NEBL: variants seen among roughly 807,000 people sequenced by gnomAD.
NEBL encodes nebulette, also known as LIM and SH3 protein 2.
Under a neutral mutation model 140.2 loss-of-function variants are expected in NEBL, and 122 were observed. That is an observed-to-expected ratio of 0.87 (90% CI 0.75 to 1.01). The LOEUF (loss-of-function observed/expected upper bound fraction) is 1.01. Ranked by LOEUF, NEBL falls within the 50% of genes least tolerant of loss-of-function variation. The pLI is 0.00. For missense variants in NEBL, 1,365 were observed against 1,231.3 expected (o/e 1.11, Z -1.62); for synonymous variants, 436 against 398.9 (o/e 1.09, Z -1.11).
chr10:21,101,361 T>C (rs549095818), intron 2 of NEBL, among the ~76,000 whole-genome samples: 1 of 152,284 alleles, frequency 6.6e-6, no homozygotes, highest in East Asian at 1.9e-4. Context: ...TGTGGTCAAG[T>C]AACAGCTCTG....
chr10:20,980,262 T>A (rs1212513620), intron 3 of NEBL, among the ~76,000 whole-genome samples: 1 of 151,966 alleles, frequency 6.6e-6, no homozygotes, highest in East Asian at 1.9e-4. Flanking sequence ...CATACTTTTG[T>A]CCAGCTCTGG....
chr10:21,071,102 C>T (rs767487775), intron 2 of NEBL, among the ~76,000 whole-genome samples: 12 of 151,738 alleles, frequency 7.9e-5, no homozygotes, highest in Non-Finnish European at 1.3e-4. Context: ...AGCCCAGGAG[C>T]TTGAGGCTAA....
chr10:21,187,112 T>C (rs1256174317), intron 3 of NEBL, among the ~76,000 whole-genome samples: 1 of 151,920 alleles, frequency 6.6e-6, no homozygotes. Flanking sequence ...TGCAAGTACG[T>C]ACCTATGTAT....
intron 12 of NEBL, chr10:20,841,273 AG>A (rs1221190310): frequency 2.3e-5 from 4 of 170,876 alleles, no homozygotes; most frequent in African/African-American, 9.6e-5. Flanking sequence ...ATGTAGCCAA[AG>A]GTTTTTTTTA....
intron 4 of NEBL, among the ~76,000 whole-genome samples, chr10:20,960,679 A>G (rs187595533): frequency 4.6e-5 from 7 of 152,098 alleles, no homozygotes; most frequent in Non-Finnish European, 1.5e-5. Context: ...TTATATATAA[A>G]TGCATATATA....
chr10:21,199,313 G>A (rs1038023847), intron 3 of NEBL, among the ~76,000 whole-genome samples: 8 of 152,096 alleles, frequency 5.3e-5, no homozygotes, highest in Admixed American at 3.9e-4. Context: ...GATTACAAGA[G>A]TGAGCCACTG....
At chr10:20,938,913 A>G (rs1215140879) in intron 4 of NEBL, among the ~76,000 whole-genome samples, 1 of 152,196 alleles carries the variant, frequency 6.6e-6, no homozygotes, top group East Asian at 1.9e-4. Context: ...AAATGAACAA[A>G]ACCTCCAAGA....
chr10:20,883,567 T>C (rs1253304310), intron 4 of NEBL, among the ~76,000 whole-genome samples: 2 of 152,216 alleles, frequency 1.3e-5, no homozygotes, highest in African/African-American at 4.8e-5. Context: ...TACCCAAGTC[T>C]ACAAAGCTAA....
At chr10:21,154,115 C>A (rs912589521) in intron 2 of NEBL, among the ~76,000 whole-genome samples, 1 of 151,984 alleles carries the variant, frequency 6.6e-6, no homozygotes, top group Non-Finnish European at 1.5e-5. Flanking sequence ...ATTATTAATA[C>A]CATACAGAGA....
At chr10:21,068,986 T>C (rs1307093365) in intron 2 of NEBL, among the ~76,000 whole-genome samples, 1 of 152,194 alleles carries the variant, frequency 6.6e-6, no homozygotes, top group East Asian at 1.9e-4. Context: ...ACTCCTGGAC[T>C]CAAGCAATCC....
chr10:21,019,266 C>A (rs1430050792), intron 3 of NEBL, among the ~76,000 whole-genome samples: 1 of 152,242 alleles, frequency 6.6e-6, no homozygotes, highest in East Asian at 1.9e-4. Context: ...GACAGGTAGA[C>A]AAGATGGACT....
At chr10:21,221,427 G>A (rs192021072) in intron 3 of NEBL, among the ~76,000 whole-genome samples, 8 of 152,270 alleles carry the variant, frequency 5.3e-5, no homozygotes, top group Non-Finnish European at 8.8e-5. Flanking sequence ...TGAGACACAC[G>A]TAAGTCAGCC....
At chr10:21,267,905 T>C (rs928206376) in intron 1 of NEBL, among the ~76,000 whole-genome samples, 1 of 152,194 alleles carries the variant, frequency 6.6e-6, no homozygotes, top group African/African-American at 2.4e-5. Context: ...GCTCTATAAT[T>C]CAGCCAGAAG....
intron 2 of NEBL, among the ~76,000 whole-genome samples, chr10:21,169,594 C>T (rs927711931): frequency 1.3e-5 from 2 of 152,144 alleles, no homozygotes; most frequent in Non-Finnish European, 2.9e-5. Flanking sequence ...AGCCCAGAAC[C>T]CTCTTAGCAG....
chr10:21,060,991 T>G (rs1402153989), intron 2 of NEBL, among the ~76,000 whole-genome samples: 1 of 151,816 alleles, frequency 6.6e-6, no homozygotes, highest in Non-Finnish European at 1.5e-5. Context: ...CGAGAAAGAT[T>G]TGTTGAAGTC....
rs1554830679 is a variant in NEBL at position 21,169,067 on chromosome 10, A to AAAAAATAT, written c.164+3315_164+3316insATATTTTT. Reference sequence around the variant, plus strand: ...CCGTCTACAAAAAAAAAAAAAAAAAAATATATATATATATATATATATATA... The same window carrying AAAAAATAT: ...CCGTCTACAAAAAAAAAAAAAAAAAAAAAAATATATATATATATATATATATATATATA... On this transcript the variant is annotated intron_variant, in intron 2 of 6. Transcript: ENST00000417816. Among the ~76,000 whole-genome samples, 74 of 23,028 alleles carry AAAAAATAT rather than the reference A, an allele frequency of 3.2e-3. 3 individuals are homozygous for AAAAAATAT. The highest frequency in any genetic ancestry group is 5.1e-3 in the Non-Finnish European group (59 of 11,498). The allele number at this position is 23,028 out of a possible 152,430, so 15.1% of individuals were successfully genotyped here.
At chr10:21,043,879 C>T (rs1039462942) in intron 2 of NEBL, among the ~76,000 whole-genome samples, 3 of 151,990 alleles carry the variant, frequency 2.0e-5, no homozygotes, top group African/African-American at 7.3e-5. Context: ...AAAAAGTTGC[C>T]AATTCAGGAT....
At chr10:20,857,522 CA>C (rs1843200337) in intron 9 of NEBL, among the ~76,000 whole-genome samples, 1 of 152,056 alleles carries the variant, frequency 6.6e-6, no homozygotes, top group African/African-American at 2.4e-5. Flanking sequence ...AACTTATGGT[CA>C]AATAAGAGCT....
At chr10:20,893,578 A>C (rs562250095) in intron 2 of NEBL, among the ~76,000 whole-genome samples, 2 of 152,100 alleles carry the variant, frequency 1.3e-5, no homozygotes, top group Non-Finnish European at 2.9e-5. Flanking sequence ...GACCTGAAAA[A>C]CGGACATTTC....
Sources: gnomAD v4.1 joint callset for allele counts (sites outside exome capture counted in the v4.1 genomes callset) on GRCh38, gnomAD v4.1.1 for gene constraint, MANE v1.5 for transcripts, NCBI Gene and HGNC (gene_info 2026-07-23, HGNC 2026-07-21) for gene names.